The following RBKS variants were observed in gnomAD, a reference collection of about 807,000 sequenced individuals.
The protein encoded by RBKS is ribokinase.
Under a neutral mutation model 33.9 loss-of-function variants are expected in RBKS, and 33 were observed. That is an observed-to-expected ratio of 0.97 (90% confidence interval 0.74 to 1.30). The LOEUF (loss-of-function observed/expected upper bound fraction) is 1.30, where lower values mean the gene tolerates loss of function less well. Among genes scored for constraint, RBKS ranks in the 50% most tolerant of loss-of-function variants. The pLI is 0.00. For missense variants in RBKS, 361 were observed against 392.6 expected, an observed-to-expected ratio of 0.92 and a Z score of 0.68; for synonymous variants, 125 against 143.0, an observed-to-expected ratio of 0.87 and a Z score of 0.90.
chr2:27,799,015 G>C (rs1677720004), intron 7 of RBKS, among the ~76,000 whole-genome samples: 1 of 152,182 alleles, frequency 6.6e-6, no homozygotes, highest in Non-Finnish European at 1.5e-5. Context: ...CTGAGACCTA[G>C]TGCAAGGCCT....
intron 2 of RBKS, among the ~76,000 whole-genome samples, chr2:27,857,582 A>C (rs1208450197): frequency 6.6e-6 from 1 of 152,230 alleles, no homozygotes; most frequent in Non-Finnish European, 1.5e-5. Context: ...TGAGTAAATC[A>C]CCGGTTATTA....
chr2:27,810,018 C>T lies in RBKS; in HGVS notation c.795+17549G>A, dbSNP rs1201874258. 4 of 1,304,268 alleles carry T rather than the reference C, an allele frequency of 3.1e-6. No homozygotes were observed. In the East Asian group the frequency reaches 2.2e-4, roughly 72 times the overall value. 80.8% of individuals were successfully genotyped at this position (1,304,268 alleles called of 1,614,324 possible). A position where few individuals can be genotyped will look rare whatever the true frequency, so the allele number is the denominator to read the frequency against. On this transcript the variant is annotated intron_variant, in intron 7 of 7. Transcript: ENST00000302188. The surrounding 1 kb of genome is among the most constrained non-coding windows in gnomAD (Gnocchi z 4.4). ...TTCTGCTTCTTCACACTTGCTGCTT[C>T]ACTCTTGGGTCTTGAGCCAGGTCTA...
chr2:27,890,196 C>A lies in RBKS; in HGVS notation c.89+61G>T, dbSNP rs1341692162. The A allele has an allele frequency of 3.3e-6, 5 of 1,523,734 alleles. No homozygotes were observed. The highest frequency in any genetic ancestry group is 3.6e-6 in the Non-Finnish European group (4 of 1,104,974). 94.4% of individuals were successfully genotyped at this position (1,523,734 alleles called of 1,614,324 possible). A position where few individuals can be genotyped will look rare whatever the true frequency, so the allele number is the denominator to read the frequency against. On this transcript the variant is annotated intron_variant, in intron 1 of 7. Transcript: ENST00000302188. This position sits in a 1 kb window ranked among gnomAD's most constrained non-coding sequence, Gnocchi z 4.8. ...CAGCGCCCAAAAGCTCCACTGGGCG[C>A]ATAGCGCACGGCACGCCTCCTCCCC... is the stretch of plus-strand genomic sequence containing the variant.
intron 7 of RBKS, among the ~76,000 whole-genome samples, chr2:27,820,008 C>A (rs1483855184): frequency 6.6e-6 from 1 of 152,180 alleles, no homozygotes; most frequent in Non-Finnish European, 1.5e-5. Flanking sequence ...TATCCTACGT[C>A]AAGGGGCTCC....
At chr2:27,821,449 G>T (rs996020787) in intron 7 of RBKS, among the ~76,000 whole-genome samples, 1 of 151,954 alleles carries the variant, frequency 6.6e-6, no homozygotes, top group Non-Finnish European at 1.5e-5. Context: ...CAAATTAGCT[G>T]TAAGTAGATA....
intron 7 of RBKS, among the ~76,000 whole-genome samples, chr2:27,791,338 G>T (rs963725288): frequency 6.6e-6 from 1 of 152,128 alleles, no homozygotes; most frequent in South Asian, 2.1e-4. Flanking sequence ...TTAATTTGTA[G>T]ACTGAGTAAA....
At position 27,843,184 on chromosome 2, in the gene RBKS, TATTCAAAAGTAA is replaced by T. The variant is rs767714619; in HGVS notation, c.385_396del (p.Leu129_Asn132del). ...TTGGCTGCTGCCCTCAGATCCTCCG[TATTCAAAAGTAA>T]ATTTGCTCCAGCCACTATGACAATG... On this transcript the variant is annotated inframe_deletion, in exon 5 of 8. Coordinates refer to ENST00000302188, the MANE Select transcript of RBKS (RefSeq NM_022128.3). 4.3e-6 allele frequency: 7 copies of T among 1,612,670 alleles called. No homozygotes were observed. The Middle Eastern group carries it at 8.2e-4, about 190-fold the overall frequency.
intron 7 of RBKS, among the ~76,000 whole-genome samples, chr2:27,793,811 A>T (rs1677583986): frequency 6.6e-6 from 1 of 152,154 alleles, no homozygotes; most frequent in Non-Finnish European, 1.5e-5. Context: ...CATATCCTGA[A>T]GTATTAAGAG....
intron 1 of RBKS, among the ~76,000 whole-genome samples, chr2:27,860,861 T>A (rs1663960723): frequency 6.6e-6 from 1 of 152,228 alleles, no homozygotes; most frequent in Non-Finnish European, 1.5e-5. Flanking sequence ...GTCTGTCATG[T>A]TCTCCATTTT....
intron 5 of RBKS, 65 bp downstream of exon 5, chr2:27,843,002 G>C: frequency 8.0e-7 from 1 of 1,253,288 alleles, no homozygotes; most frequent in Non-Finnish European, 1.1e-6. Context: ...TAACTTAAAA[G>C]GTTAACTTTA....
chr2:27,815,977 T>C (rs1678084638), intron 7 of RBKS, among the ~76,000 whole-genome samples: 1 of 152,216 alleles, frequency 6.6e-6, no homozygotes, highest in Non-Finnish European at 1.5e-5. Context: ...TGGCCGTATT[T>C]GAGTTCTGAA....
intron 7 of RBKS, 95 bp from the exon 8 acceptor site, chr2:27,781,883 T>A: frequency 8.7e-7 from 1 of 1,145,182 alleles, no homozygotes. Context: ...TTAATTTTAG[T>A]TTTAGATTTA....
chr2:27,809,291 C>T (rs998145468), intron 7 of RBKS, among the ~76,000 whole-genome samples: 10 of 152,260 alleles, frequency 6.6e-5, no homozygotes, highest in South Asian at 2.1e-4. Flanking sequence ...TGGCCCTCAC[C>T]GCTCTGCTGG....
intron 5 of RBKS, among the ~76,000 whole-genome samples, chr2:27,839,852 G>C (rs1663436683): frequency 6.6e-6 from 1 of 152,076 alleles, no homozygotes. Context: ...TGAAAGAACT[G>C]TGAGAGCTGT....
rs147327258 is a variant in RBKS at position 27,815,754 on chromosome 2, A to C, written c.795+11813T>G. 3.9e-5 allele frequency among the ~76,000 whole-genome samples: 6 copies of C among 152,268 alleles called. No individual in the cohort carries two copies. The East Asian group carries it at 1.2e-3, about 29-fold the overall frequency. On this transcript the variant is annotated intron_variant, in intron 7 of 7. Coordinates refer to ENST00000302188, the MANE Select transcript of RBKS (RefSeq NM_022128.3). ...GAAGCTAAGAGGAAGCGAAATCCTA[A>C]TCGTAGATGGGTAAGCAAGCTCCCA... is the stretch of plus-strand genomic sequence containing the variant.
At chr2:27,832,654 C>T in intron 6 of RBKS, 32 bp downstream of exon 6, 1 of 1,471,742 alleles carries the variant, frequency 6.8e-7, no homozygotes, top group Non-Finnish European at 9.5e-7. Flanking sequence ...CTTTTGGTTT[C>T]TCATAGAATG....
Position 27,823,237 on chromosome 2 carries a change from A to G in RBKS, c.795+4330T>C, listed in dbSNP as rs1488327162. Among the ~76,000 whole-genome samples the G allele has an allele frequency of 2.0e-5, 3 of 152,252 alleles. No homozygotes were observed. The East Asian group carries it at 5.8e-4, about 29-fold the overall frequency. On this transcript the variant is annotated intron_variant, in intron 7 of 7. Coordinates refer to ENST00000302188, the MANE Select transcript of RBKS (RefSeq NM_022128.3). ...TCCAAACTGAGCTGAGGACATCTGC[A>G]GCTACTGCCACCATCTCACTCTAGT...
intron 5 of RBKS, among the ~76,000 whole-genome samples, chr2:27,835,723 C>A (rs1678505962): frequency 6.6e-6 from 1 of 151,606 alleles, no homozygotes; most frequent in Non-Finnish European, 1.5e-5. Context: ...CCGTGCCCGG[C>A]CTACCTCCCC....
chr2:27,804,797 C>A (rs1455361297), intron 7 of RBKS, among the ~76,000 whole-genome samples: 1 of 152,178 alleles, frequency 6.6e-6, no homozygotes, highest in Non-Finnish European at 1.5e-5. Context: ...GTAAACTCAG[C>A]ACTTTGGGAG....
Sources: allele counts gnomAD v4.1 joint callset (sites outside exome capture counted in the v4.1 genomes callset), GRCh38; gene constraint gnomAD v4.1.1; non-coding constraint Gnocchi (gnomAD v3.1); transcripts MANE v1.5; gene names NCBI Gene and HGNC (gene_info 2026-07-23, HGNC 2026-07-21).